TAFA4: variants seen among roughly 807,000 people sequenced by gnomAD.
The protein encoded by TAFA4 is chemokine-like protein TAFA-4.
Under a neutral mutation model 21.1 loss-of-function variants are expected in TAFA4, and 20 were observed. The observed-to-expected ratio is 0.95, with a 90% CI of 0.67 to 1.38. TAFA4 has a LOEUF of 1.38. TAFA4 is among the 40% of genes most tolerant of loss of function. The probability of loss-of-function intolerance (pLI) is 0.00; values close to 1 mark genes in which losing one functional copy is unlikely to be tolerated. For synonymous variants in TAFA4, 71 were observed against 67.4 expected (o/e 1.05, Z -0.26); for missense variants, 211 against 180.9 (o/e 1.17, Z -0.95).
In TAFA4 at chr3:68,755,221, T is replaced by C. The variant is rs536312861; in HGVS notation, c.131-2203A>G. 2.0e-5 allele frequency among the ~76,000 whole-genome samples: 3 copies of C among 152,384 alleles called. No homozygotes were observed. In the East Asian group the frequency reaches 5.8e-4, roughly 29 times the overall value. ...CATCATCCTGTGATAAAGTAGTTTC[T>C]GTATTGCACATGTACTTAAGGGTAA... On this transcript the variant is annotated intron_variant, in intron 3 of 5. Coordinates refer to ENST00000295569, the MANE Select transcript of TAFA4 (RefSeq NM_182522.5).
At chr3:68,808,639 C>T (rs762710025) in intron 3 of TAFA4, among the ~76,000 whole-genome samples, 5 of 152,170 alleles carry the variant, frequency 3.3e-5, no homozygotes, top group Non-Finnish European at 7.3e-5. Flanking sequence ...AAACTCTAGA[C>T]TTTCCTTTAT....
rs186669176 is a variant in TAFA4, at chr3:68,802,043, T to A, written c.131-49025A>T. ...CTTCCAAGTAAATGCAGCAAAGCAA[T>A]ATTAATACACATCTATGTTCACAAA... On this transcript the variant is annotated intron_variant, in intron 3 of 5. Transcript: ENST00000295569. Among the ~76,000 whole-genome samples, 280 of 152,216 alleles carry A rather than the reference T, an allele frequency of 1.8e-3. 1 individual carries two copies. Among genetic ancestry groups the A allele is most frequent in the African/African-American group, 6.5e-3 (270 of 41,536 alleles).
chr3:68,809,936 C>T (rs148566674), intron 3 of TAFA4, among the ~76,000 whole-genome samples: 362 of 152,256 alleles, frequency 2.4e-3, no homozygotes, highest in African/African-American at 8.3e-3. Context: ...TCTGTTTTTA[C>T]GCCAGTACCA....
intron 4 of TAFA4, among the ~76,000 whole-genome samples, chr3:68,751,969 G>A (rs1182136512): frequency 6.6e-6 from 1 of 152,166 alleles, no homozygotes; most frequent in East Asian, 1.9e-4. Context: ...TGGTGCTGAT[G>A]TATACCACTG....
intron 3 of TAFA4, among the ~76,000 whole-genome samples, chr3:68,795,894 A>C (rs142638749): frequency 6.6e-6 from 1 of 152,274 alleles, no homozygotes; most frequent in Non-Finnish European, 1.5e-5. Context: ...GGGTGTTGTG[A>C]TCTAAGCCAT....
intron 3 of TAFA4, among the ~76,000 whole-genome samples, chr3:68,841,855 A>G (rs1032384688): frequency 3.9e-5 from 6 of 152,088 alleles, no homozygotes; most frequent in African/African-American, 1.2e-4. Flanking sequence ...CTTCATCCAT[A>G]TCCCTGCAAA....
At chr3:68,763,893 CAT>C (rs928917570) in intron 3 of TAFA4, among the ~76,000 whole-genome samples, 2 of 151,730 alleles carry the variant, frequency 1.3e-5, no homozygotes, top group African/African-American at 4.9e-5. Context: ...CACACACACA[CAT>C]AAGTATGCAT....
intron 3 of TAFA4, among the ~76,000 whole-genome samples, chr3:68,773,094 A>T (rs1702988843): frequency 6.6e-6 from 1 of 152,206 alleles, no homozygotes; most frequent in African/African-American, 2.4e-5. Flanking sequence ...AGGGAATATT[A>T]TAAGCAGCCG....
At chr3:68,884,190 G>A (rs1016297645) in intron 2 of TAFA4, among the ~76,000 whole-genome samples, 2 of 152,108 alleles carry the variant, frequency 1.3e-5, no homozygotes, top group Admixed American at 6.5e-5. Context: ...CATTCCTCCC[G>A]CTTCCCCTAT....
rs3048092 is a variant in TAFA4, at chr3:68,900,240, TTAATAATAATAATAA to T, written c.-122-14945_-122-14931del. Among the ~76,000 whole-genome samples, 479 of 132,834 alleles carry T rather than the reference TTAATAATAATAATAA, an allele frequency of 3.6e-3. 1 individual carries two copies. Among genetic ancestry groups the T allele is most frequent in the African/African-American group, 0.012 (429 of 36,252 alleles). The allele number at this position is 132,834 out of a possible 152,430, so 87.1% of individuals were successfully genotyped here. The stretch of plus-strand genomic sequence containing the variant: ...TTGGGTGACAGAGCGAGACTCTCTC[TTAATAATAATAATAA>T]TAATAATAATAATAATAATAATAAT... On this transcript the variant is annotated intron_variant, in intron 1 of 5. Transcript: ENST00000295569.
intron 3 of TAFA4, among the ~76,000 whole-genome samples, chr3:68,875,266 A>G (rs2089533405): frequency 6.7e-6 from 1 of 150,320 alleles, no homozygotes; most frequent in South Asian, 2.1e-4. Context: ...ATTTGTTCTC[A>G]TCTTTGGCTG....
At chr3:68,733,209 A>G (rs1702182653) in intron 5 of TAFA4, 56 bp from the exon 6 acceptor site, 2 of 1,592,580 alleles carry the variant, frequency 1.3e-6, no homozygotes, top group Admixed American at 1.7e-5. Context: ...CGAAATAACC[A>G]TTCCTGCCCC....
intron 3 of TAFA4, among the ~76,000 whole-genome samples, chr3:68,782,054 T>C (rs1703163282): frequency 1.3e-5 from 2 of 151,902 alleles, no homozygotes; most frequent in African/African-American, 4.8e-5. Flanking sequence ...CTTTCAAGAG[T>C]AGAAAAACAA....
At chr3:68,743,340 C>T (rs150733488) in intron 4 of TAFA4, among the ~76,000 whole-genome samples, 15 of 152,152 alleles carry the variant, frequency 9.9e-5, no homozygotes, top group Non-Finnish European at 1.8e-4. Flanking sequence ...CTTTGGAAGG[C>T]CTAGGTGGGC....
intron 4 of TAFA4, among the ~76,000 whole-genome samples, chr3:68,743,402 C>T (rs1399456184): frequency 1.3e-5 from 2 of 151,854 alleles, no homozygotes; most frequent in East Asian, 3.9e-4. Context: ...GTGATGAAAC[C>T]CCGCCTCTAC....
At chr3:68,900,788 T>C (rs1478653269) in intron 1 of TAFA4, among the ~76,000 whole-genome samples, 1 of 152,192 alleles carries the variant, frequency 6.6e-6, no homozygotes. Context: ...GCTATCCCAT[T>C]TCCTTTACCT....
chr3:68,798,804 C>T (rs1703508528), intron 3 of TAFA4, among the ~76,000 whole-genome samples: 1 of 151,964 alleles, frequency 6.6e-6, no homozygotes, highest in African/African-American at 2.4e-5. Context: ...ATAAAACCAT[C>T]AACTAACTTT....
chr3:68,813,805 A>C lies in TAFA4; in HGVS notation c.131-60787T>G, dbSNP rs529333759. Among the ~76,000 whole-genome samples, 238 of 152,270 alleles carry C rather than the reference A, an allele frequency of 1.6e-3. 3 individuals are homozygous for C. The highest frequency in any genetic ancestry group is 5.1e-3 in the African/African-American group (213 of 41,550). On this transcript the variant is annotated intron_variant, in intron 3 of 5. Transcript: ENST00000295569. Reference sequence around the variant, plus strand: ...AATAGAAAAAGAGGGAATCCTCCCTAACTCATTTTATGAGGACAGCATCAT... The same window carrying C: ...AATAGAAAAAGAGGGAATCCTCCCTCACTCATTTTATGAGGACAGCATCAT...
At chr3:68,752,807 C>T in intron 4 of TAFA4, 56 bp downstream of exon 4, 1 of 1,610,536 alleles carries the variant, frequency 6.2e-7, no homozygotes, top group Non-Finnish European at 8.5e-7. Context: ...TAGGGAAATT[C>T]CTGGTGGGTT....
Sources: gnomAD v4.1 joint callset for allele counts (sites outside exome capture counted in the v4.1 genomes callset) on GRCh38, gnomAD v4.1.1 for gene constraint, MANE v1.5 for transcripts, NCBI Gene and HGNC (gene_info 2026-07-23, HGNC 2026-07-21) for gene names.